USP24: variants seen among roughly 807,000 people sequenced by gnomAD.
USP24 encodes ubiquitin carboxyl-terminal hydrolase 24.
USP24 carries 97 observed loss-of-function variants against 361.6 expected under a neutral mutation model. The ratio of observed to expected loss-of-function variants is 0.27; its 90% CI spans 0.23 to 0.32. The LOEUF (loss-of-function observed/expected upper bound fraction) is 0.32. USP24 is among the 10% of genes least tolerant of loss of function. USP24 has a pLI of 1.00. For missense variants in USP24, 2,353 were observed against 3,165.6 expected (o/e 0.74, Z 6.16); for synonymous variants, 1,098 against 1,124.6 (o/e 0.98, Z 0.47).
intron 8 of USP24, among the ~76,000 whole-genome samples, chr1:55,161,278 A>G (rs984022892): frequency 6.6e-6 from 1 of 151,900 alleles, no homozygotes; most frequent in African/African-American, 2.4e-5. Context: ...AGGTTGAGGC[A>G]GGAGAATCGC....
Position 55,141,712 on chromosome 1 carries a change from C to G in USP24, c.2654G>C (p.Gly885Ala). The G allele has an allele frequency of 6.2e-7, 1 of 1,609,032 alleles. No homozygotes were observed. Among genetic ancestry groups the G allele is most frequent in the Non-Finnish European group, 8.5e-7 (1 of 1,177,532 alleles). Residue 885 changes from glycine to alanine, a missense_variant, in exon 24 of 68, where the codon GGT becomes GCT. Transcript: ENST00000294383. ...TRLEAASSALGGPTLTHAVTR... is the reference protein window; with the variant it reads ...TRLEAASSALAGPTLTHAVTR... ...CACAGCATGTGTTAGAGTGGGGCCA[C>G]CAAGTGCTGAACTGGCTGCCTAAAA... is the stretch of plus-strand genomic sequence containing the variant.
At position 55,137,792 on chromosome 1, in the gene USP24, T is replaced by C; in HGVS notation, c.3027+14A>G. The C allele has an allele frequency of 6.4e-7, 1 of 1,563,742 alleles. No individual in the cohort carries two copies. Among genetic ancestry groups the C allele is most frequent in the Non-Finnish European group, 8.7e-7 (1 of 1,153,688 alleles). ...ATCATTTATTATTCATCAAAACTGC[T>C]TATTTAAACCTACCAGGCTATCATT... is the stretch of plus-strand genomic sequence containing the variant. On this transcript the variant is annotated intron_variant, in intron 27 of 67. Transcript: ENST00000294383.
In USP24 at chr1:55,137,871, A is replaced by G; in HGVS notation, c.2962T>C (p.Trp988Arg). ...GAGCACAACTGCTTGGCTATTTTCC[A>G]CCGGACACTCCCTATGGTTTCATTA... is the stretch of plus-strand genomic sequence containing the variant. The part of the protein sequence containing the change: ...HSNETIGSVR[W>R]KIAKQLCSPV... The change falls in exon 27 of 68, where the codon TGG (tryptophan) becomes CGG (arginine). Residue 988 changes from tryptophan to arginine, a missense_variant. Physicochemically the swap from Trp to Arg is moderately radical, Grantham distance 101. Transcript: ENST00000294383. 6.3e-7 allele frequency: 1 copy of G among 1,595,394 alleles called. No homozygotes were observed. Among genetic ancestry groups the G allele is most frequent in the Non-Finnish European group, 8.5e-7 (1 of 1,169,832 alleles).
intron 55 of USP24, chr1:55,086,326 G>A (rs1645250851): frequency 2.4e-6 from 1 of 422,700 alleles, no homozygotes; most frequent in Non-Finnish European, 4.4e-6. Flanking sequence ...TTCAGCTCTA[G>A]AGGTACAATC....
At chr1:55,168,285 C>T (rs773354575) in intron 5 of USP24, among the ~76,000 whole-genome samples, 3 of 151,992 alleles carry the variant, frequency 2.0e-5, no homozygotes, top group Admixed American at 1.3e-4. Flanking sequence ...AGATGGTGGA[C>T]GAAGGCAGAA....
At chr1:55,117,760 A>G (rs1264771784) in intron 38 of USP24, among the ~76,000 whole-genome samples, 4 of 150,304 alleles carry the variant, frequency 2.7e-5, no homozygotes, top group Non-Finnish European at 4.4e-5. Context: ...AAAAAAAAAA[A>G]AAAAAAGAAA....
At chr1:55,142,522 G>A (rs1451277082) in intron 23 of USP24, among the ~76,000 whole-genome samples, 2 of 152,160 alleles carry the variant, frequency 1.3e-5, no homozygotes, top group East Asian at 3.8e-4. Context: ...GGTGGATGGA[G>A]TGGGGAAGAC....
intron 53 of USP24, 146 bp downstream of exon 53, chr1:55,092,675 A>C (rs1436185186): frequency 2.0e-5 from 12 of 602,150 alleles, no homozygotes; most frequent in Non-Finnish European, 2.8e-5. Context: ...AATATTACCC[A>C]ATACGGGCTA....
chr1:55,110,326 A>T (rs1645913227), intron 38 of USP24, 80 bp from the exon 39 acceptor site: 3 of 1,184,738 alleles, frequency 2.5e-6, no homozygotes, highest in African/African-American at 3.1e-5. Flanking sequence ...GAACAAATTC[A>T]TAAAACAAGT....
chr1:55,124,595 C>G lies in USP24; in HGVS notation c.3994G>C (p.Ala1332Pro). The change falls in exon 35 of 68, where the codon GCT (alanine) becomes CCT (proline). Residue 1332 changes from alanine (A) to proline (P), a missense_variant. Transcript: ENST00000294383. Reference sequence around the variant, plus strand: ...GCCCATGACAATCTCATGAAGCAAGCCACAGTAGAAGTGAAATCACTTACT... The same window carrying G: ...GCCCATGACAATCTCATGAAGCAAGGCACAGTAGAAGTGAAATCACTTACT... ...MEVSDFTSTV[A>P]CFMRLSWAAA... 6.2e-7 allele frequency: 1 copy of G among 1,613,866 alleles called. No homozygotes were observed. The highest frequency in any genetic ancestry group is 8.5e-7 in the Non-Finnish European group (1 of 1,179,870).
chr1:55,082,693 G>C (rs1162735281), intron 58 of USP24, among the ~76,000 whole-genome samples: 1 of 152,140 alleles, frequency 6.6e-6, no homozygotes, highest in Non-Finnish European at 1.5e-5. Flanking sequence ...GCTGAGGAGG[G>C]AGGATCACTG....
intron 1 of USP24, among the ~76,000 whole-genome samples, chr1:55,212,976 C>A (rs1183812571): frequency 6.6e-6 from 1 of 152,236 alleles, no homozygotes; most frequent in East Asian, 1.9e-4. Context: ...CTAAGGTTAG[C>A]GCTAATGTTA....
chr1:55,098,782 C>G (rs1245648145), intron 45 of USP24, among the ~76,000 whole-genome samples: 3 of 152,160 alleles, frequency 2.0e-5, no homozygotes, highest in Admixed American at 6.5e-5. Context: ...GAGCTAATGA[C>G]AAGAGAGTGT....
At chr1:55,115,072 A>C (rs1237615710) in intron 38 of USP24, among the ~76,000 whole-genome samples, 1 of 152,130 alleles carries the variant, frequency 6.6e-6, no homozygotes, top group Non-Finnish European at 1.5e-5. Context: ...CCATCGAAAA[A>C]TGGGCAAAGG....
At chr1:55,117,742 CAAAAAAAAAAA>C (rs58149121) in intron 38 of USP24, among the ~76,000 whole-genome samples, 5 of 66,846 alleles carry the variant, frequency 7.5e-5, no homozygotes, top group Admixed American at 4.2e-4. Context: ...GACTCCGTCT[CAAAAAAAAAAA>C]AAAAAAAAAA....
intron 48 of USP24, 63 bp downstream of exon 48, chr1:55,097,533 GAA>G (rs1050138647): frequency 6.7e-7 from 1 of 1,488,962 alleles, no homozygotes; most frequent in Non-Finnish European, 8.9e-7. Flanking sequence ...ATTGAAAAAG[GAA>G]AAAAAAAGAA....
At position 55,066,413 on chromosome 1, in the gene USP24, A is replaced by G. The variant is rs1644826160; in HGVS notation, c.*2632T>C. 1.3e-5 allele frequency: 2 copies of G among 152,232 alleles called. No individual in the cohort carries two copies. The highest frequency in any genetic ancestry group is 4.8e-5 in the African/African-American group (2 of 41,454). 9.4% of individuals were successfully genotyped at this position (152,232 alleles called of 1,614,324 possible). On this transcript the variant is annotated 3_prime_UTR_variant, in exon 68 of 68. Coordinates refer to ENST00000294383, the MANE Select transcript of USP24 (RefSeq NM_015306.3). ...TTAGAAGCTAAGAACTTTGCCACAC[A>G]TGAACCAAATTTAGAATTAAGGTTC...
intron 38 of USP24, among the ~76,000 whole-genome samples, chr1:55,115,873 C>G (rs1196912778): frequency 6.6e-6 from 1 of 152,126 alleles, no homozygotes; most frequent in Non-Finnish European, 1.5e-5. Flanking sequence ...TGCAGGGACA[C>G]AGATGAAGCT....
At chr1:55,213,376 T>C (rs1644895680) in intron 1 of USP24, among the ~76,000 whole-genome samples, 1 of 152,216 alleles carries the variant, frequency 6.6e-6, no homozygotes, top group African/African-American at 2.4e-5. Flanking sequence ...TGTCTAAGTG[T>C]GGAAGCCAAA....
Sources: gnomAD v4.1 joint callset for allele counts (sites outside exome capture counted in the v4.1 genomes callset) on GRCh38, gnomAD v4.1.1 for gene constraint, MANE v1.5 for transcripts, NCBI Gene and HGNC (gene_info 2026-07-23, HGNC 2026-07-21) for gene names.